KIF21A: variants seen among roughly 807,000 people sequenced by gnomAD.
KIF21A encodes the protein kinesin-like protein KIF21A.
A neutral mutation model predicts 202.9 loss-of-function variants in KIF21A; 114 were observed. The observed-to-expected ratio is 0.56, with a 90% CI of 0.48 to 0.66. KIF21A has a LOEUF of 0.66. KIF21A is among the 30% of genes least tolerant of loss of function. The probability of loss-of-function intolerance (pLI) is 0.00; values close to 1 mark genes in which losing one functional copy is unlikely to be tolerated. For missense variants in KIF21A, 1,677 were observed against 1,994.9 expected, an observed-to-expected ratio of 0.84 and a Z score of 3.04; for synonymous variants, 667 against 670.8, an observed-to-expected ratio of 0.99 and a Z score of 0.09.
intron 37 of KIF21A, among the ~76,000 whole-genome samples, chr12:39,300,166 G>A (rs986310453): frequency 1.3e-5 from 2 of 152,086 alleles, no homozygotes; most frequent in African/African-American, 4.8e-5. Flanking sequence ...TGGAAGGTAA[G>A]TAAGTACAAT....
chr12:39,366,450 G>A lies in KIF21A; in HGVS notation c.803C>T (p.Ala268Val). 6.2e-7 allele frequency: 1 copy of A among 1,613,600 alleles called. No homozygotes were observed. Among genetic ancestry groups the A allele is most frequent in the Non-Finnish European group, 8.5e-7 (1 of 1,179,596 alleles). Reference sequence around the variant, plus strand: ...TGCGAGATCAACAAAATGGAACTTTGCAGTCAGGGTTTCAAATTCATTCAT... The same window carrying A: ...TGCGAGATCAACAAAATGGAACTTTACAGTCAGGGTTTCAAATTCATTCAT... ...AQMNEFETLTAKFHFVDLAGS... is the reference protein window; with the variant it reads ...AQMNEFETLTVKFHFVDLAGS... The change falls in exon 6 of 38, where the codon GCA (alanine) becomes GTA (valine). Residue 268 changes from alanine (A) to valine (V), a missense_variant. By Grantham distance (64) the Ala-to-Val change is moderately conservative (BLOSUM62 0). Coordinates refer to ENST00000361418, the MANE Select transcript of KIF21A (RefSeq NM_001173464.2).
intron 1 of KIF21A, among the ~76,000 whole-genome samples, chr12:39,382,192 A>G (rs1950656212): frequency 6.6e-6 from 1 of 152,200 alleles, no homozygotes; most frequent in African/African-American, 2.4e-5. Flanking sequence ...TGGGGTCAGG[A>G]GGTGGGAGAC....
intron 1 of KIF21A, among the ~76,000 whole-genome samples, chr12:39,441,676 A>AAAAAAAAAAAAAAAAAAAAAAAAAC (rs1041857523): frequency 2.9e-5 from 4 of 137,310 alleles, no homozygotes; most frequent in African/African-American, 1.1e-4. Flanking sequence ...AAAAAAAAAA[A>AAAAAAAAAAAAAAAAAAAAAAAAAC]AAAACACTTA....
chr12:39,308,596 T>A (rs1042672947), intron 33 of KIF21A, among the ~76,000 whole-genome samples: 4 of 152,148 alleles, frequency 2.6e-5, no homozygotes, highest in Non-Finnish European at 5.9e-5. Context: ...AGATGGAGTA[T>A]CTAAGGCCTT....
At chr12:39,364,642 C>T (rs1949480390) in intron 6 of KIF21A, among the ~76,000 whole-genome samples, 1 of 152,174 alleles carries the variant, frequency 6.6e-6, no homozygotes, top group South Asian at 2.1e-4. Flanking sequence ...GCAGACACCA[C>T]ACACTCTATA....
At chr12:39,301,454 G>T in intron 37 of KIF21A, 26 bp downstream of exon 37, 1 of 1,574,398 alleles carries the variant, frequency 6.4e-7, no homozygotes, top group East Asian at 2.2e-5. Flanking sequence ...AACCAATATA[G>T]AGAAAAATCA....
intron 37 of KIF21A, among the ~76,000 whole-genome samples, chr12:39,295,090 A>G (rs1591984553): frequency 6.6e-6 from 1 of 152,338 alleles, no homozygotes; most frequent in Middle Eastern, 3.4e-3. Context: ...CTCAGCAAAT[A>G]AGCCCACAGA....
chr12:39,352,102 T>C (rs1948434794), intron 10 of KIF21A, 122 bp from the exon 11 acceptor site: 4 of 766,520 alleles, frequency 5.2e-6, no homozygotes, highest in Non-Finnish European at 8.8e-6. Flanking sequence ...AGCAAATCTA[T>C]ATTGTTCTGC....
intron 1 of KIF21A, among the ~76,000 whole-genome samples, chr12:39,409,250 TG>T (rs1166768685): frequency 6.6e-6 from 1 of 151,952 alleles, no homozygotes; most frequent in African/African-American, 2.4e-5. Context: ...CCAGGTTTGG[TG>T]GTTCACATCT....
chr12:39,414,999 T>C (rs1223691656), intron 1 of KIF21A, among the ~76,000 whole-genome samples: 2 of 150,004 alleles, frequency 1.3e-5, no homozygotes, highest in Non-Finnish European at 3.0e-5. Flanking sequence ...AGCCTAGGAC[T>C]GGGAAAACAC....
intron 11 of KIF21A, among the ~76,000 whole-genome samples, chr12:39,346,847 C>T (rs1947938709): frequency 6.6e-6 from 1 of 151,696 alleles, no homozygotes; most frequent in Non-Finnish European, 1.5e-5. Flanking sequence ...TCAATTTACT[C>T]AGCTTCCCCC....
At chr12:39,379,106 C>A (rs940581251) in intron 1 of KIF21A, among the ~76,000 whole-genome samples, 1 of 151,888 alleles carries the variant, frequency 6.6e-6, no homozygotes, top group East Asian at 1.9e-4. Flanking sequence ...CTGAGGCAGG[C>A]GGATCACAAG....
Position 39,303,075 on chromosome 12 carries a change from G to T in KIF21A, c.4621C>A (p.Pro1541Thr). Residue 1541 changes from proline (P) to threonine (T), a missense_variant, in exon 36 of 38, where the codon CCT (proline) becomes ACT (threonine). Physicochemically the swap from Pro to Thr is conservative, Grantham distance 38. Transcript: ENST00000361418. ...AGTGCTTCTATGCCATCATAATGAG[G>T]GGGTTCAAAATTGTGGGTGGGACTC... ...TVSPTHNFEP[P>T]HYDGIEALTI... 1.2e-6 allele frequency: 2 copies of T among 1,613,910 alleles called. No individual in the cohort carries two copies. The highest frequency in any genetic ancestry group is 1.7e-6 in the Non-Finnish European group (2 of 1,179,906).
intron 1 of KIF21A, among the ~76,000 whole-genome samples, chr12:39,378,845 G>A (rs1448790277): frequency 2.6e-5 from 4 of 152,180 alleles, no homozygotes; most frequent in Non-Finnish European, 5.9e-5. Flanking sequence ...ATTAGCCAGA[G>A]GGTAATGGGG....
chr12:39,333,211 C>T lies in KIF21A; in HGVS notation c.2487+1G>A. On this transcript the variant is annotated splice_donor_variant, in intron 18 of 37. Transcript: ENST00000361418. LOFTEE classifies it high-confidence loss of function. ...CCAAATGGTCAGCTTGCTTACTGTACCTCTTCAGTTTTGCGACGTAGAACC... is the reference window on the plus strand; with the variant it reads ...CCAAATGGTCAGCTTGCTTACTGTATCTCTTCAGTTTTGCGACGTAGAACC... The T allele has an allele frequency of 6.2e-7, 1 of 1,613,284 alleles. No homozygotes were observed. The highest frequency in any genetic ancestry group is 8.5e-7 in the Non-Finnish European group (1 of 1,179,254).
intron 6 of KIF21A, among the ~76,000 whole-genome samples, chr12:39,364,470 G>C (rs759955000): frequency 2.2e-4 from 34 of 152,144 alleles, no homozygotes; most frequent in Non-Finnish European, 4.4e-4. Context: ...CAGAATCCAG[G>C]CATGCCATTT....
chr12:39,377,901 ATATAATTAGCTCTGT>A (rs1390631801), intron 1 of KIF21A, among the ~76,000 whole-genome samples: 2 of 152,198 alleles, frequency 1.3e-5, no homozygotes, highest in African/African-American at 4.8e-5. Context: ...ATCCTAATCT[ATATAATTAGCTCTGT>A]ATTCTACTCT....
chr12:39,408,041 T>C (rs1952752784), intron 1 of KIF21A, among the ~76,000 whole-genome samples: 1 of 151,998 alleles, frequency 6.6e-6, no homozygotes, highest in Admixed American at 6.6e-5. Context: ...CAAGATGCTG[T>C]AGTTAGCTAA....
chr12:39,326,223 T>C (rs770128319), intron 25 of KIF21A, 41 bp downstream of exon 25: 3 of 1,374,314 alleles, frequency 2.2e-6, no homozygotes, highest in Middle Eastern at 2.0e-4. Flanking sequence ...ATTTAAAATA[T>C]GTAAATAAGT....
Sources: allele counts gnomAD v4.1 joint callset (sites outside exome capture counted in the v4.1 genomes callset), GRCh38; gene constraint gnomAD v4.1.1; transcripts MANE v1.5; gene names NCBI Gene and HGNC (gene_info 2026-07-23, HGNC 2026-07-21).